The following TMCO4 variants were observed in gnomAD, a reference collection of about 807,000 sequenced individuals.
The protein encoded by TMCO4 is transmembrane and coiled-coil domains 4.
In TMCO4, 58 loss-of-function variants were observed where a neutral mutation model predicts 64.7. The observed-to-expected ratio is 0.90, with a 90% CI of 0.73 to 1.12. The LOEUF (loss-of-function observed/expected upper bound fraction) is 1.12. TMCO4 is among the 50% of genes most tolerant of loss of function. TMCO4 has a pLI of 0.00. For synonymous variants in TMCO4, 325 were observed against 346.1 expected (o/e 0.94, Z 0.68); for missense variants, 780 against 825.9 (o/e 0.94, Z 0.68).
At chr1:19,758,457 T>C (rs2042361430) in intron 6 of TMCO4, among the ~76,000 whole-genome samples, 1 of 152,250 alleles carries the variant, frequency 6.6e-6, no homozygotes, top group South Asian at 2.1e-4. Flanking sequence ...TGCTAATACA[T>C]ACTCCACTGG....
intron 4 of TMCO4, among the ~76,000 whole-genome samples, chr1:19,777,063 CA>C (rs1272198270): frequency 1.4e-5 from 2 of 148,016 alleles, no homozygotes; most frequent in African/African-American, 2.5e-5. Flanking sequence ...AAGAAAACAG[CA>C]AAAGCCTCTA....
intron 4 of TMCO4, among the ~76,000 whole-genome samples, chr1:19,779,569 G>A (rs1156750687): frequency 6.6e-6 from 1 of 152,118 alleles, no homozygotes; most frequent in Non-Finnish European, 1.5e-5. Flanking sequence ...GAAATATAAC[G>A]ATGTCATTCT....
chr1:19,735,630 C>T (rs923559006), intron 13 of TMCO4, among the ~76,000 whole-genome samples: 7 of 152,270 alleles, frequency 4.6e-5, no homozygotes, highest in African/African-American at 1.2e-4. Context: ...AGCTGAGAGT[C>T]GACCTCACTT....
chr1:19,781,739 T>C (rs984389866), intron 3 of TMCO4, among the ~76,000 whole-genome samples: 3 of 151,698 alleles, frequency 2.0e-5, no homozygotes, highest in African/African-American at 4.8e-5. Context: ...CTCCGCCTCC[T>C]GGGTTCACAT....
chr1:19,783,155 G>A (rs957367783), intron 3 of TMCO4, among the ~76,000 whole-genome samples: 1 of 152,228 alleles, frequency 6.6e-6, no homozygotes, highest in South Asian at 2.1e-4. Flanking sequence ...TTATTACTGG[G>A]TGTAGGGCAC....
At chr1:19,779,374 A>G (rs150478145) in intron 4 of TMCO4, among the ~76,000 whole-genome samples, 36 of 151,860 alleles carry the variant, frequency 2.4e-4, no homozygotes, top group Admixed American at 1.0e-3. Context: ...TCTGTCCACC[A>G]CTCGGTCATT....
chr1:19,727,418 A>T (rs974569944), intron 13 of TMCO4, among the ~76,000 whole-genome samples: 2 of 152,138 alleles, frequency 1.3e-5, no homozygotes, highest in Non-Finnish European at 2.9e-5. Flanking sequence ...AACCCAACTC[A>T]TGTCTTTGGA....
At chr1:19,771,567 G>A in intron 4 of TMCO4, 85 bp from the exon 5 acceptor site, 1 of 1,396,132 alleles carries the variant, frequency 7.2e-7, no homozygotes, top group Non-Finnish European at 9.7e-7. Context: ...GGTCACGGAT[G>A]TGAACAGCTG....
In TMCO4 at chr1:19,709,705, A is replaced by C. The variant is rs144499190; in HGVS notation, c.1265-8820T>G. ...GGAATGAAACCGGAGATTGTGCTGC[A>C]AGGCTTTTTTGTTTCTGTTTGTTTT... On this transcript the variant is annotated intron_variant, in intron 13 of 15. Coordinates refer to ENST00000294543, the MANE Select transcript of TMCO4 (RefSeq NM_181719.7). Among the ~76,000 whole-genome samples the C allele has an allele frequency of 3.0e-3, 457 of 152,088 alleles. 2 individuals carry two copies. The highest frequency in any genetic ancestry group is 0.011 in the African/African-American group (438 of 41,488).
chr1:19,721,857 C>A (rs2095385734), intron 13 of TMCO4, among the ~76,000 whole-genome samples: 1 of 152,078 alleles, frequency 6.6e-6, no homozygotes, highest in Non-Finnish European at 1.5e-5. Context: ...AGTCCAGGGC[C>A]AAACCTGGAA....
intron 3 of TMCO4, among the ~76,000 whole-genome samples, chr1:19,781,099 C>T (rs1213369525): frequency 1.3e-5 from 2 of 149,290 alleles, no homozygotes; most frequent in Admixed American, 6.7e-5. Context: ...GAGCCGAGAT[C>T]GCGCCACGGC....
intron 13 of TMCO4, among the ~76,000 whole-genome samples, chr1:19,706,516 G>A (rs2100653434): frequency 6.6e-6 from 1 of 152,316 alleles, no homozygotes; most frequent in East Asian, 1.9e-4. Context: ...TGTAAAAGAG[G>A]GCAGGGATTA....
chr1:19,747,974 G>C (rs2041864303), intron 7 of TMCO4, among the ~76,000 whole-genome samples: 1 of 152,188 alleles, frequency 6.6e-6, no homozygotes, highest in Admixed American at 6.5e-5. Flanking sequence ...CAATAACTCA[G>C]TGTGGAGTGA....
At chr1:19,688,094 C>A (rs1037499912) in intron 15 of TMCO4, among the ~76,000 whole-genome samples, 1 of 152,200 alleles carries the variant, frequency 6.6e-6, no homozygotes, top group Non-Finnish European at 1.5e-5. Flanking sequence ...ATTGAATCTG[C>A]CAGCTGCCTG....
chr1:19,750,766 A>G (rs1400487986), intron 7 of TMCO4, among the ~76,000 whole-genome samples: 1 of 152,102 alleles, frequency 6.6e-6, no homozygotes, highest in Non-Finnish European at 1.5e-5. Flanking sequence ...GGACCTTCCC[A>G]CCTTCCTGTG....
chr1:19,713,866 C>A (rs1279331393), intron 13 of TMCO4, among the ~76,000 whole-genome samples: 2 of 152,054 alleles, frequency 1.3e-5, no homozygotes, highest in East Asian at 1.9e-4. Flanking sequence ...AATTTAATTC[C>A]TATTTTCCAT....
At chr1:19,767,909 T>C (rs1015599453) in intron 6 of TMCO4, among the ~76,000 whole-genome samples, 1 of 152,034 alleles carries the variant, frequency 6.6e-6, no homozygotes, top group East Asian at 1.9e-4. Flanking sequence ...CTGGCCGACA[T>C]GGTGAAACCC....
intron 6 of TMCO4, among the ~76,000 whole-genome samples, chr1:19,769,894 C>T (rs2042907579): frequency 8.0e-6 from 1 of 124,820 alleles, no homozygotes; most frequent in Non-Finnish European, 1.8e-5. Flanking sequence ...GGATGCAAGC[C>T]GCAAAGCATA....
At chr1:19,725,874 G>T (rs2095406677) in intron 13 of TMCO4, among the ~76,000 whole-genome samples, 1 of 152,214 alleles carries the variant, frequency 6.6e-6, no homozygotes. Flanking sequence ...GTGGTCACTG[G>T]GAAGTCTGGG....
Sources: gnomAD v4.1 joint callset for allele counts (sites outside exome capture counted in the v4.1 genomes callset) on GRCh38, gnomAD v4.1.1 for gene constraint, MANE v1.5 for transcripts, NCBI Gene and HGNC (gene_info 2026-07-23, HGNC 2026-07-21) for gene names.